The following MAPK4 variants were observed in gnomAD, a reference collection of about 807,000 sequenced individuals.
The protein encoded by MAPK4 is Erk3-related.
MAPK4 carries 22 observed loss-of-function variants against 47.7 expected under a neutral mutation model. The observed-to-expected ratio is 0.46, with a 90% CI of 0.33 to 0.66. MAPK4 has a LOEUF of 0.66. MAPK4 is among the 30% of genes least tolerant of loss of function. The pLI, the probability that MAPK4 is intolerant of heterozygous loss-of-function variation, is 0.02. For synonymous variants in MAPK4, 390 were observed against 365.7 expected (o/e 1.07, Z -0.76); for missense variants, 736 against 831.7 (o/e 0.88, Z 1.42).
At chr18:50,651,671 A>C (rs1460218095) in intron 1 of MAPK4, among the ~76,000 whole-genome samples, 1 of 152,140 alleles carries the variant, frequency 6.6e-6, no homozygotes, top group Non-Finnish European at 1.5e-5. Flanking sequence ...GGAAGTTAGA[A>C]CCGAGGGAAT....
At chr18:50,634,249 A>T (rs2042858955) in intron 1 of MAPK4, among the ~76,000 whole-genome samples, 1 of 151,712 alleles carries the variant, frequency 6.6e-6, no homozygotes. Context: ...GGTGTGCATT[A>T]ATTCAAGTGT....
chr18:50,631,286 C>T (rs1383677646), intron 1 of MAPK4, among the ~76,000 whole-genome samples: 1 of 152,064 alleles, frequency 6.6e-6, no homozygotes, highest in Non-Finnish European at 1.5e-5. Flanking sequence ...TGTTCCTAAG[C>T]CCAGGGAGGC....
chr18:50,646,693 C>A (rs2042992466), intron 1 of MAPK4, among the ~76,000 whole-genome samples: 1 of 152,204 alleles, frequency 6.6e-6, no homozygotes, highest in African/African-American at 2.4e-5. Context: ...CAGAGGGGAG[C>A]ACAATAGGTC....
chr18:50,637,262 G>T (rs1197206597), intron 1 of MAPK4, among the ~76,000 whole-genome samples: 1 of 152,184 alleles, frequency 6.6e-6, no homozygotes, highest in African/African-American at 2.4e-5. Flanking sequence ...GCATGGGTCA[G>T]GCAGTAAGTA....
At position 50,726,146 on chromosome 18, in the gene MAPK4, G is replaced by C. The variant is rs768420694; in HGVS notation, c.1038G>C (p.Gln346His). 2 of 1,614,094 alleles carry C rather than the reference G, an allele frequency of 1.2e-6. No homozygotes were observed. Among genetic ancestry groups the C allele is most frequent in the South Asian group, 2.2e-5 (2 of 91,084 alleles). The change falls in exon 5 of 6, where the codon CAG becomes CAC. Residue 346 changes from glutamine (Q) to histidine (H), a missense_variant. By Grantham distance (24) the Gln-to-His change is conservative. Transcript: ENST00000400384. ...DIVLMAANQS[Q>H]LSNWDTCSSR... ...TGCTGATGGCCGCTAACCAGAGCCA[G>C]CTGTCCAACTGGGACACGTGCAGTT... is the stretch of plus-strand genomic sequence containing the variant.
chr18:50,674,116 C>G (rs1908122258), intron 2 of MAPK4, among the ~76,000 whole-genome samples: 1 of 152,142 alleles, frequency 6.6e-6, no homozygotes, highest in Admixed American at 6.5e-5. Flanking sequence ...TGAGAGAACT[C>G]ACTCCCTCTC....
intron 1 of MAPK4, among the ~76,000 whole-genome samples, chr18:50,627,590 C>T (rs190498312): frequency 6.6e-6 from 1 of 152,198 alleles, no homozygotes; most frequent in African/African-American, 2.4e-5. Flanking sequence ...TTATAAGGAC[C>T]CCTTGCCTGC....
rs549762593 is a variant in MAPK4 at position 50,719,944 on chromosome 18, G to A, written c.692-1994G>A. 1.6e-4 allele frequency among the ~76,000 whole-genome samples: 25 copies of A among 152,304 alleles called. No individual in the cohort carries two copies. The South Asian group carries it at 5.2e-3, about 32-fold the overall frequency. On this transcript the variant is annotated intron_variant, in intron 3 of 5. Transcript: ENST00000400384. Reference sequence around the variant, plus strand: ...CTCACATTTCTCTCTTACCAGGGAGGAACACCTTCCCCGGAAGTCCTTCCA... The same window carrying A: ...CTCACATTTCTCTCTTACCAGGGAGAAACACCTTCCCCGGAAGTCCTTCCA...
intron 1 of MAPK4, among the ~76,000 whole-genome samples, chr18:50,657,972 T>A (rs1211180596): frequency 6.6e-6 from 1 of 152,082 alleles, no homozygotes. Context: ...CAGGCCGTGC[T>A]AGTCAGGATG....
In MAPK4 at chr18:50,664,503, A is replaced by G. The variant is rs1484980462; in HGVS notation, c.545A>G (p.Lys182Arg). 6.3e-7 allele frequency: 1 copy of G among 1,580,256 alleles called. No homozygotes were observed. The highest frequency in any genetic ancestry group is 8.6e-7 in the Non-Finnish European group (1 of 1,159,324). Residue 182 changes from lysine (K) to arginine (R), a missense_variant and splice_region_variant, in exon 2 of 6, where the codon AAG (lysine) becomes AGG (arginine). Physicochemically the swap from Lys to Arg is conservative, Grantham distance 26 (BLOSUM62 2). Coordinates refer to ENST00000400384, the MANE Select transcript of MAPK4 (RefSeq NM_002747.4). The surrounding 1 kb of genome is among the most constrained non-coding windows in gnomAD (Gnocchi z 6.0). ...ARIVDQHYSH[K>R]GYLSEGLVTK... is the part of the protein sequence containing the mutation. ...ATCGTTGATCAGCATTACTCCCACA[A>G]GGTATGTCTGGCTGGAATGGCGGAT...
chr18:50,672,431 C>T (rs375147003), intron 2 of MAPK4, among the ~76,000 whole-genome samples: 8 of 152,132 alleles, frequency 5.3e-5, no homozygotes, highest in African/African-American at 1.7e-4. Context: ...GGGATTAGAA[C>T]GGAGGCTGTA....
At chr18:50,692,233 C>T (rs1400662627) in intron 2 of MAPK4, among the ~76,000 whole-genome samples, 1 of 152,246 alleles carries the variant, frequency 6.6e-6, no homozygotes, top group Non-Finnish European at 1.5e-5. Flanking sequence ...TAGCCTGTAG[C>T]CCAGGTCCTG....
intron 1 of MAPK4, among the ~76,000 whole-genome samples, chr18:50,566,283 A>G (rs1028094443): frequency 3.9e-5 from 6 of 152,216 alleles, no homozygotes. Context: ...ACCTGTTTGG[A>G]GATCTTAGGT....
rs184475062 is a variant in MAPK4 at position 50,625,282 on chromosome 18, C to T, written c.-870-37807C>T. Among the ~76,000 whole-genome samples, 308 of 152,290 alleles carry T rather than the reference C, an allele frequency of 2.0e-3. 3 individuals are homozygous for T. Among genetic ancestry groups the T allele is most frequent in the African/African-American group, 6.6e-3 (273 of 41,554 alleles). Reference sequence around the variant, plus strand: ...GATGGCCTCCATCACCCCAGGAGACCGAGCCTTGGTGACCAGAATCTTGGG... The same window carrying T: ...GATGGCCTCCATCACCCCAGGAGACTGAGCCTTGGTGACCAGAATCTTGGG... On this transcript the variant is annotated intron_variant, in intron 1 of 5. Coordinates refer to ENST00000400384, the MANE Select transcript of MAPK4 (RefSeq NM_002747.4).
At chr18:50,612,766 G>A (rs2042650287) in intron 1 of MAPK4, among the ~76,000 whole-genome samples, 2 of 152,176 alleles carry the variant, frequency 1.3e-5, no homozygotes, top group South Asian at 2.1e-4. Context: ...ATTGTGAAAT[G>A]TCTTCTCTAA....
chr18:50,625,028 T>G (rs1555648961), intron 1 of MAPK4, among the ~76,000 whole-genome samples: 2 of 152,182 alleles, frequency 1.3e-5, no homozygotes, highest in Non-Finnish European at 2.9e-5. Context: ...TAATTCACTC[T>G]CTGGGGTACC....
chr18:50,681,914 C>T (rs1437476798), intron 2 of MAPK4, among the ~76,000 whole-genome samples: 1 of 152,134 alleles, frequency 6.6e-6, no homozygotes, highest in Non-Finnish European at 1.5e-5. Context: ...AATGCTGATA[C>T]AGGCTATAAT....
chr18:50,651,674 G>A (rs190183828), intron 1 of MAPK4, among the ~76,000 whole-genome samples: 3 of 152,302 alleles, frequency 2.0e-5, no homozygotes, highest in African/African-American at 4.8e-5. Flanking sequence ...AGTTAGAACC[G>A]AGGGAATGGT....
chr18:50,615,205 G>GT (rs1430980866), intron 1 of MAPK4, among the ~76,000 whole-genome samples: 2 of 152,140 alleles, frequency 1.3e-5, no homozygotes, highest in African/African-American at 4.8e-5. Context: ...TTGTGTTGGG[G>GT]GGGGAGATCC....
Sources: allele counts gnomAD v4.1 joint callset (sites outside exome capture counted in the v4.1 genomes callset), GRCh38; gene constraint gnomAD v4.1.1; non-coding constraint Gnocchi (gnomAD v3.1); transcripts MANE v1.5; gene names NCBI Gene and HGNC (gene_info 2026-07-23, HGNC 2026-07-21).